The following SLC60A2 variants were observed in gnomAD, a reference collection of about 807,000 sequenced individuals.
SLC60A2 encodes the protein major facilitator superfamily domain containing 4B.
At chr6:111,264,818 G>T in the SLC60A2 span, among the ~76,000 whole-genome samples, 8 of 151,080 alleles carry the variant, frequency 5.3e-5, no homozygotes, top group Admixed American at 5.3e-4. Flanking sequence ...CTAAATAACG[G>T]CGGGGTGGCT....
the SLC60A2 span, among the ~76,000 whole-genome samples, chr6:111,262,042 CA>C: frequency 5.4e-5 from 8 of 148,678 alleles, no homozygotes; most frequent in African/African-American, 1.2e-4. Flanking sequence ...AGGATTGCAA[CA>C]AAAAAATAAT....
chr6:111,267,271 G>A, the SLC60A2 span: 1 of 644,410 alleles, frequency 1.6e-6, no homozygotes, highest in African/African-American at 1.8e-5. Context: ...GAAATGTTCT[G>A]TAATTCCCAG....
the SLC60A2 span, chr6:111,262,111 A>G: frequency 3.7e-6 from 2 of 546,348 alleles, no homozygotes; most frequent in Non-Finnish European, 6.0e-6. Flanking sequence ...AGTCAAAACT[A>G]AAAAAACAGT....
chr6:111,265,884 G>T, the SLC60A2 span: 4 of 1,606,010 alleles, frequency 2.5e-6, no homozygotes, highest in Admixed American at 3.4e-5. Flanking sequence ...AGGTGGTAAC[G>T]TCCTTATCTT....
the SLC60A2 span, among the ~76,000 whole-genome samples, chr6:111,271,669 G>A: frequency 6.8e-6 from 1 of 147,400 alleles, no homozygotes; most frequent in Non-Finnish European, 1.5e-5. Context: ...TGGGCATGGT[G>A]GCTCACACCT....
chr6:111,262,042 C>CA, the SLC60A2 span, among the ~76,000 whole-genome samples: 1 of 148,678 alleles, frequency 6.7e-6, no homozygotes, highest in Admixed American at 6.7e-5. Flanking sequence ...AGGATTGCAA[C>CA]AAAAAAATAA....
chr6:111,268,252 A>G, the SLC60A2 span: 1 of 152,364 alleles, frequency 6.6e-6, no homozygotes, highest in South Asian at 2.1e-4. Context: ...AATTACCTGA[A>G]GAATATATTT....
At chr6:111,276,550 A>G in the SLC60A2 span, among the ~76,000 whole-genome samples, 5 of 152,156 alleles carry the variant, frequency 3.3e-5, no homozygotes, top group East Asian at 1.9e-4. Context: ...TCTGCTTGCA[A>G]TTTTTGTTCA....
the SLC60A2 span, among the ~76,000 whole-genome samples, chr6:111,276,089 T>G: frequency 6.6e-6 from 1 of 152,248 alleles, no homozygotes; most frequent in Admixed American, 6.5e-5. Context: ...TCATCCTTGT[T>G]GTAGCATGTG....
At chr6:111,265,645 T>C in the SLC60A2 span, among the ~76,000 whole-genome samples, 1 of 152,186 alleles carries the variant, frequency 6.6e-6, no homozygotes, top group African/African-American at 2.4e-5. Flanking sequence ...TCTACTAGAC[T>C]GTAGAATTCG....
the SLC60A2 span, among the ~76,000 whole-genome samples, chr6:111,278,958 G>T: frequency 3.3e-5 from 5 of 152,194 alleles, no homozygotes; most frequent in African/African-American, 7.2e-5. Flanking sequence ...TTGCTCCAGT[G>T]GTTTTCAAAC....
At chr6:111,274,636 G>T in the SLC60A2 span, among the ~76,000 whole-genome samples, 1 of 152,042 alleles carries the variant, frequency 6.6e-6, no homozygotes, top group Non-Finnish European at 1.5e-5. Flanking sequence ...GTGATTTTCT[G>T]TGGAGATAAG....
chr6:111,266,438 A>G, the SLC60A2 span: 2 of 1,614,140 alleles, frequency 1.2e-6, no homozygotes, highest in Admixed American at 1.7e-5. Context: ...CTACCTGTTT[A>G]CAGCCTGGAA....
chr6:111,264,882 T>A, the SLC60A2 span, among the ~76,000 whole-genome samples: 1 of 150,736 alleles, frequency 6.6e-6, no homozygotes, highest in African/African-American at 2.4e-5. Context: ...TCACCTGAGG[T>A]CAGGAGTTCA....
At chr6:111,265,108 A>G in the SLC60A2 span, 1 of 175,108 alleles carries the variant, frequency 5.7e-6, no homozygotes, top group Non-Finnish European at 1.1e-5. Flanking sequence ...ACTAAATAAC[A>G]TAGATGACAT....
chr6:111,264,978 A>G, the SLC60A2 span, among the ~76,000 whole-genome samples: 4 of 152,218 alleles, frequency 2.6e-5, no homozygotes, highest in African/African-American at 9.6e-5. Flanking sequence ...CTGTAATCCC[A>G]GCTACTCAGG....
the SLC60A2 span, chr6:111,266,109 C>G: frequency 1.9e-6 from 3 of 1,614,074 alleles, no homozygotes; most frequent in Non-Finnish European, 1.7e-6. Flanking sequence ...TAAGAATTTA[C>G]TGTGGGCTTA....
At chr6:111,263,126 C>T in the SLC60A2 span, among the ~76,000 whole-genome samples, 3 of 151,820 alleles carry the variant, frequency 2.0e-5, no homozygotes, top group Non-Finnish European at 2.9e-5. Flanking sequence ...TTAGTAGAGC[C>T]GGGGTTTCAC....
chr6:111,263,649 A>G, the SLC60A2 span, among the ~76,000 whole-genome samples: 1 of 152,234 alleles, frequency 6.6e-6, no homozygotes, highest in Non-Finnish European at 1.5e-5. Context: ...TTTATATTTC[A>G]TAATCCATAA....
Sources: allele counts gnomAD v4.1 joint callset (sites outside exome capture counted in the v4.1 genomes callset), GRCh38; gene constraint gnomAD v4.1.1; transcripts MANE v1.5; gene names NCBI Gene and HGNC (gene_info 2026-07-23, HGNC 2026-07-21).